Variants in PCDH15 observed in about 807,000 individuals in gnomAD.
PCDH15 encodes the protein protocadherin-15.
Under a neutral mutation model 178.5 loss-of-function variants are expected in PCDH15, and 129 were observed. The observed-to-expected ratio is 0.72, with a 90% CI of 0.63 to 0.84. The LOEUF is 0.84. Among genes scored for constraint, PCDH15 ranks in the 40% least tolerant of loss-of-function variants. The probability of loss-of-function intolerance (pLI) is 0.00; values close to 1 mark genes in which losing one functional copy is unlikely to be tolerated. For synonymous variants in PCDH15, 800 were observed against 732.0 expected, an observed-to-expected ratio of 1.09 and a Z score of -1.50; for missense variants, 2,230 against 2,099.9, an observed-to-expected ratio of 1.06 and a Z score of -1.21.
intron 20 of PCDH15, among the ~76,000 whole-genome samples, chr10:54,015,955 A>G (rs1756392125): frequency 6.6e-6 from 1 of 152,178 alleles, no homozygotes; most frequent in Admixed American, 6.5e-5. Context: ...AAACGAAACA[A>G]AAAAACTATC....
intron 2 of PCDH15, among the ~76,000 whole-genome samples, chr10:54,632,826 A>C (rs920761657): frequency 3.9e-5 from 6 of 152,120 alleles, no homozygotes; most frequent in Admixed American, 2.0e-4. Flanking sequence ...CTAAAGTCAG[A>C]CCTGAATACT....
At chr10:54,246,576 GT>G (rs2055950389) in intron 8 of PCDH15, among the ~76,000 whole-genome samples, 1 of 151,368 alleles carries the variant, frequency 6.6e-6, no homozygotes, top group Non-Finnish European at 1.5e-5. Flanking sequence ...TTATATGTTA[GT>G]TTTTTTTCAA....
intron 5 of PCDH15, among the ~76,000 whole-genome samples, chr10:54,366,031 A>T (rs963565424): frequency 1.2e-4 from 19 of 152,142 alleles, no homozygotes; most frequent in African/African-American, 4.3e-4. Context: ...AAGTAGTTAT[A>T]ATTTAGAATA....
chr10:54,807,583 C>T (rs1952798551), intron 3 of PCDH15, among the ~76,000 whole-genome samples: 1 of 151,220 alleles, frequency 6.6e-6, no homozygotes, highest in Non-Finnish European at 1.5e-5. Context: ...CTTATGTTGT[C>T]TGTCTTTAAT....
intron 27 of PCDH15, among the ~76,000 whole-genome samples, chr10:53,859,493 A>G (rs945941204): frequency 4.6e-5 from 7 of 152,098 alleles, no homozygotes; most frequent in Non-Finnish European, 4.4e-5. Context: ...TCTGGTAAGC[A>G]TGTGCTTCAA....
At chr10:54,728,311 C>T (rs930117398) in intron 1 of PCDH15, among the ~76,000 whole-genome samples, 1 of 151,312 alleles carries the variant, frequency 6.6e-6, no homozygotes, top group Non-Finnish European at 1.5e-5. Flanking sequence ...AGCGATCCAT[C>T]GTATAAACAG....
At chr10:55,498,700 C>A (rs1840588996) in intron 2 of PCDH15, among the ~76,000 whole-genome samples, 1 of 151,824 alleles carries the variant, frequency 6.6e-6, no homozygotes, top group Admixed American at 6.6e-5. Context: ...TGCACCTGAA[C>A]CTTAAAGCAG....
chr10:54,263,225 A>G lies in PCDH15; in HGVS notation c.877-26294T>C, dbSNP rs190734936. ...TGGGTCTCTGGAGAGTTGTGTCCCT[A>G]GAGATGTAATCCTCAGTGTGGACCA... is the stretch of plus-strand genomic sequence containing the variant. On this transcript the variant is annotated intron_variant, in intron 8 of 37. Transcript: ENST00000644397. 9.9e-5 allele frequency among the ~76,000 whole-genome samples: 15 copies of G among 152,168 alleles called. No individual in the cohort carries two copies. In the East Asian group the frequency reaches 2.9e-3, roughly 30 times the overall value.
chr10:53,973,311 G>A (rs2089913588), intron 21 of PCDH15, among the ~76,000 whole-genome samples: 1 of 128,240 alleles, frequency 7.8e-6, no homozygotes, highest in African/African-American at 2.9e-5. Context: ...GGAGGGGGGA[G>A]GGATAGCATT....
intron 18 of PCDH15, among the ~76,000 whole-genome samples, chr10:54,048,619 T>C (rs1565120615): frequency 6.6e-6 from 1 of 152,304 alleles, no homozygotes; most frequent in Middle Eastern, 3.4e-3. Flanking sequence ...TGCATATGGA[T>C]AGCCAGTTAT....
intron 21 of PCDH15, among the ~76,000 whole-genome samples, chr10:53,974,012 T>G (rs867249271): frequency 1.3e-5 from 2 of 152,110 alleles, no homozygotes; most frequent in Non-Finnish European, 2.9e-5. Context: ...TTTGTTTATT[T>G]GTTTATTTTA....
intron 25 of PCDH15, among the ~76,000 whole-genome samples, chr10:53,921,332 C>T (rs1353345510): frequency 1.3e-5 from 2 of 152,028 alleles, no homozygotes; most frequent in Admixed American, 1.3e-4. Context: ...TAATATGCCA[C>T]CCCTCTACAC....
At chr10:54,981,883 C>T (rs1839240901) in intron 2 of PCDH15, among the ~76,000 whole-genome samples, 1 of 152,070 alleles carries the variant, frequency 6.6e-6, no homozygotes, top group Middle Eastern at 3.2e-3. Context: ...TCAAGCAATC[C>T]TCCCACCACA....
At chr10:54,261,002 C>A (rs892472276) in intron 8 of PCDH15, among the ~76,000 whole-genome samples, 38 of 152,248 alleles carry the variant, frequency 2.5e-4, no homozygotes, top group Admixed American at 9.2e-4. Context: ...GTTTGATAAT[C>A]AACCTTCATA....
chr10:55,324,553 A>G (rs1054261443), upstream of PCDH15, among the ~76,000 whole-genome samples: 4 of 152,198 alleles, frequency 2.6e-5, no homozygotes, highest in East Asian at 1.9e-4. Flanking sequence ...CATGCACCCA[A>G]CACAGGTGCA....
chr10:55,107,360 A>G lies in PCDH15; in HGVS notation c.-80+59216T>C, dbSNP rs902712408. On this transcript the variant is annotated intron_variant, in intron 2 of 5. Coordinates refer to the PCDH15 transcript ENST00000458638. ...TGGAAATGTTAACAACAGGCTTATC[A>G]AGACACTTTTATTAGGTCATACATG... 3.9e-5 allele frequency among the ~76,000 whole-genome samples: 6 copies of G among 152,320 alleles called. No individual in the cohort carries two copies. In the South Asian group the frequency reaches 1.2e-3, roughly 32 times the overall value.
intron 23 of PCDH15, among the ~76,000 whole-genome samples, chr10:53,946,417 C>A (rs538324357): frequency 7.4e-4 from 113 of 152,178 alleles, no homozygotes; most frequent in Non-Finnish European, 1.4e-3. Context: ...CCCCTGGTAA[C>A]CAATGATCTT....
At chr10:54,158,076 T>G (rs1216338876) in intron 13 of PCDH15, among the ~76,000 whole-genome samples, 1 of 152,276 alleles carries the variant, frequency 6.6e-6, no homozygotes, top group East Asian at 1.9e-4. Flanking sequence ...TGTCTTTTTC[T>G]AACACTCCAG....
chr10:53,968,799 A>T (rs1158129160), intron 21 of PCDH15, among the ~76,000 whole-genome samples: 1 of 152,206 alleles, frequency 6.6e-6, no homozygotes, highest in Admixed American at 6.5e-5. Flanking sequence ...CCTGACTGTT[A>T]GAACGAAAAC....
Sources: gnomAD v4.1 joint callset for allele counts (sites outside exome capture counted in the v4.1 genomes callset) on GRCh38, gnomAD v4.1.1 for gene constraint, MANE v1.5 for transcripts, NCBI Gene and HGNC (gene_info 2026-07-23, HGNC 2026-07-21) for gene names.